Variants in CMC2 observed in about 807,000 individuals in gnomAD.
The protein encoded by CMC2 is C-X9-C motif containing 2.
Under a neutral mutation model 7.5 loss-of-function variants are expected in CMC2, and 5 were observed. The observed-to-expected ratio is 0.66, with a 90% CI of 0.35 to 1.40. The LOEUF (loss-of-function observed/expected upper bound fraction) is 1.40, where lower values mean the gene tolerates loss of function less well. Among genes scored for constraint, CMC2 ranks in the 40% most tolerant of loss-of-function variants. The pLI is 0.04. For synonymous variants in CMC2, 37 were observed against 31.4 expected (o/e 1.18, Z -0.60); for missense variants, 115 against 92.3 (o/e 1.25, Z -1.01).
rs2151646138 is a variant in CMC2, at chr16:80,997,409, G to A, written c.-15C>T. ...TCAGGATGCATCTTTAGGAGATGAG[G>A]ATGGATCACAGCAGTGCAACCTGTG... is the stretch of plus-strand genomic sequence containing the variant. On this transcript the variant is annotated 5_prime_UTR_variant, in exon 2 of 4. Transcript: ENST00000219400. 1.2e-6 allele frequency: 2 copies of A among 1,603,506 alleles called. No homozygotes were observed. Among genetic ancestry groups the A allele is most frequent in the East Asian group, 2.2e-5 (1 of 44,792 alleles).
At chr16:80,990,999 T>C (rs1044373917) in intron 2 of CMC2, among the ~76,000 whole-genome samples, 1 of 150,948 alleles carries the variant, frequency 6.6e-6, no homozygotes, top group Non-Finnish European at 1.5e-5. Context: ...AGTGCTGGGA[T>C]TACAGGACTG....
chr16:80,970,414 G>T lies in CMC2; in HGVS notation c.*5679C>A, dbSNP rs947103745. 6.6e-6 allele frequency: 1 copy of T among 152,208 alleles called. No homozygotes were observed. Among genetic ancestry groups the T allele is most frequent in the African/African-American group, 2.4e-5 (1 of 41,454 alleles). The allele number at this position is 152,208 out of a possible 1,614,324, so 9.4% of individuals were successfully genotyped here. ...CACACTAGAAGGAGGTGCAGTAGAG[G>T]TTGAGCAAGTCTATCTACAATTACC... On this transcript the variant is annotated 3_prime_UTR_variant, in exon 4 of 4. Coordinates refer to ENST00000219400, the MANE Select transcript of CMC2 (RefSeq NM_020188.5).
chr16:80,992,263 C>T (rs2549851), intron 2 of CMC2, among the ~76,000 whole-genome samples: 150,152 of 152,344 alleles, frequency 0.99, 74,032 homozygotes, highest in Middle Eastern at 1. Flanking sequence ...AACTACTTTA[C>T]GTTGGGAAAG....
rs986430937 is a variant in CMC2 at position 80,976,137 on chromosome 16, T to C, written c.196A>G (p.Met66Val). ...RTKSREHGIA[M>V]RKKLFNPPEE... ...GGAGGATTAAAAAGTTTCTTTCGCA[T>C]TGCAATGCCATGCTCCCTGCTCTTG... The change falls in exon 4 of 4, where the codon ATG (methionine) becomes GTG (valine). Residue 66 changes from methionine (M) to valine (V), a missense_variant. Physicochemically the swap from Met to Val is conservative, Grantham distance 21. Transcript: ENST00000219400. 8 of 1,610,490 alleles carry C rather than the reference T, an allele frequency of 5.0e-6. No homozygotes were observed. In the Admixed American group the frequency reaches 8.3e-5, roughly 17 times the overall value.
chr16:80,997,211 T>C, intron 2 of CMC2, 103 bp downstream of exon 2: 2 of 753,728 alleles, frequency 2.7e-6, no homozygotes, highest in Admixed American at 4.0e-5. Context: ...GACTCCTTAC[T>C]AAGACATTAT....
chr16:80,986,568 A>C (rs764320571), intron 2 of CMC2, among the ~76,000 whole-genome samples: 2 of 152,236 alleles, frequency 1.3e-5, no homozygotes, highest in African/African-American at 2.4e-5. Context: ...AGGAGACCAG[A>C]TAGAAGTCCT....
intron 1 of CMC2, among the ~76,000 whole-genome samples, chr16:81,001,747 T>C (rs1054048919): frequency 1.3e-5 from 2 of 152,130 alleles, no homozygotes; most frequent in Non-Finnish European, 2.9e-5. Flanking sequence ...AAAAACTGTC[T>C]GAACAAATAA....
chr16:80,979,088 A>AT (rs1395893014), intron 3 of CMC2, among the ~76,000 whole-genome samples: 3 of 149,962 alleles, frequency 2.0e-5, no homozygotes, highest in African/African-American at 7.5e-5. Context: ...CAAAAAAAAT[A>AT]AAAAAATAAA....
intron 2 of CMC2, chr16:80,984,152 G>C (rs561052660): frequency 6.6e-6 from 1 of 152,288 alleles, no homozygotes; most frequent in South Asian, 2.1e-4. Context: ...GTGGCAAAAA[G>C]TATGCGTGCT....
Position 80,971,442 on chromosome 16 carries a change from GTAT to G in CMC2, c.*4648_*4650del, listed in dbSNP as rs1299563370. On this transcript the variant is annotated 3_prime_UTR_variant, in exon 4 of 4. Coordinates refer to ENST00000219400, the MANE Select transcript of CMC2 (RefSeq NM_020188.5). ...AACAAGAACCTCATTTATCAACATA[GTAT>G]TTTTTTTTTAAAAAAAAAAGGTACG... 4 of 144,880 alleles carry G rather than the reference GTAT, an allele frequency of 2.8e-5. No homozygotes were observed. The highest frequency in any genetic ancestry group is 6.7e-5 in the Admixed American group (1 of 14,894). 9.0% of individuals were successfully genotyped at this position (144,880 alleles called of 1,614,324 possible). A position where few individuals can be genotyped will look rare whatever the true frequency, so the allele number is the denominator to read the frequency against.
chr16:80,992,752 C>G (rs973466288), intron 2 of CMC2, among the ~76,000 whole-genome samples: 1 of 143,672 alleles, frequency 7.0e-6, no homozygotes, highest in Non-Finnish European at 1.5e-5. Context: ...CTTTGTCACA[C>G]AGGCTGATGT....
chr16:80,972,048 C>G lies in CMC2; in HGVS notation c.*4045G>C, dbSNP rs1911966973. On this transcript the variant is annotated 3_prime_UTR_variant, in exon 4 of 4. Transcript: ENST00000219400. Reference sequence around the variant, plus strand: ...CCATGTGACCAGCTGCCGGTGAGATCAGACTAGAGCTTAGAGGACAGAAAT... The same window carrying G: ...CCATGTGACCAGCTGCCGGTGAGATGAGACTAGAGCTTAGAGGACAGAAAT... The G allele has an allele frequency of 6.6e-6, 1 of 152,242 alleles. No homozygotes were observed. The highest frequency in any genetic ancestry group is 1.5e-5 in the Non-Finnish European group (1 of 68,064). 9.4% of individuals were successfully genotyped at this position (152,242 alleles called of 1,614,324 possible).
At chr16:80,988,680 T>G (rs1412514233) in intron 2 of CMC2, 4 of 652,060 alleles carry the variant, frequency 6.1e-6, no homozygotes, top group Non-Finnish European at 1.1e-5. Context: ...ATCTAATTTA[T>G]AGACCTTATT....
intron 2 of CMC2, among the ~76,000 whole-genome samples, chr16:80,988,970 G>A (rs185150938): frequency 1.3e-5 from 2 of 152,052 alleles, no homozygotes; most frequent in South Asian, 2.1e-4. Context: ...TTCACAACTC[G>A]ATTCAGGTCG....
rs901249140 is a variant in CMC2, at chr16:81,004,113, T to C, written c.-36+2621A>G. The stretch of plus-strand genomic sequence containing the variant: ...TGGTGGGGGCCTGTAATCCAGCTAC[T>C]TGGGAGGCTGAGGCAGGGGAATCGC... On this transcript the variant is annotated intron_variant, in intron 1 of 3. Coordinates refer to ENST00000219400, the MANE Select transcript of CMC2 (RefSeq NM_020188.5). 3.3e-4 allele frequency among the ~76,000 whole-genome samples: 50 copies of C among 152,088 alleles called. 1 individual carries two copies. Among genetic ancestry groups the C allele is most frequent in the Non-Finnish European group, 4.4e-5 (3 of 68,022 alleles).
chr16:80,998,433 G>A (rs938765945), intron 1 of CMC2: 1 of 152,172 alleles, frequency 6.6e-6, no homozygotes, highest in Non-Finnish European at 1.5e-5. Flanking sequence ...GGGCGGGCAT[G>A]TAAACTGGGA....
At chr16:80,984,506 G>GTC (rs1967374991) in intron 2 of CMC2, among the ~76,000 whole-genome samples, 1 of 152,058 alleles carries the variant, frequency 6.6e-6, no homozygotes, top group Non-Finnish European at 1.5e-5. Flanking sequence ...ATAGACTAAA[G>GTC]TCTCCTATTT....
chr16:80,982,887 C>T (rs2602445), intron 2 of CMC2: 159,271 of 161,450 alleles, frequency 0.99, 78,596 homozygotes, highest in Middle Eastern at 1. Flanking sequence ...GGGACCCATA[C>T]GAAGTGCCAC....
At chr16:80,990,760 C>T (rs535971657) in intron 2 of CMC2, among the ~76,000 whole-genome samples, 2 of 152,152 alleles carry the variant, frequency 1.3e-5, no homozygotes, top group South Asian at 2.1e-4. Flanking sequence ...ACTCTGTCAC[C>T]CAGGCTGGAA....
Sources: gnomAD v4.1 joint callset for allele counts (sites outside exome capture counted in the v4.1 genomes callset) on GRCh38, gnomAD v4.1.1 for gene constraint, MANE v1.5 for transcripts, NCBI Gene and HGNC (gene_info 2026-07-23, HGNC 2026-07-21) for gene names.